NUP85: variants seen among roughly 807,000 people sequenced by gnomAD.
The protein encoded by NUP85 is nucleoporin 85, also known as nuclear pore complex protein Nup85.
In NUP85, 23 loss-of-function variants were observed where a neutral mutation model predicts 92.8. The ratio of observed to expected loss-of-function variants is 0.25; its 90% CI spans 0.18 to 0.35. The LOEUF is 0.35. Ranked by LOEUF, NUP85 falls within the 10% of genes least tolerant of loss-of-function variation. NUP85 has a pLI of 1.00. For missense variants in NUP85, 759 were observed against 822.8 expected, an observed-to-expected ratio of 0.92 and a Z score of 0.95; for synonymous variants, 314 against 306.9, an observed-to-expected ratio of 1.02 and a Z score of -0.24.
rs1402535202 is a variant in NUP85, at chr17:75,231,370, C to G, written c.1125C>G (p.Ala375=). 1 of 1,614,144 alleles carries G rather than the reference C, an allele frequency of 6.2e-7. No homozygotes were observed. Among genetic ancestry groups the G allele is most frequent in the South Asian group, 1.1e-5 (1 of 91,078 alleles). The change falls in exon 12 of 19, where the codon GCC becomes GCG. Residue 375 remains alanine, a synonymous_variant. Transcript: ENST00000245544. This position sits in a 1 kb window ranked among gnomAD's most constrained non-coding sequence, Gnocchi z 4.6. The part of the protein sequence containing the change: ...SIALSNWWFV[A]HLTDLLDHCK... ...CCCTGAGCAACTGGTGGTTTGTGGCCCACCTGACAGACCTGCTGGACCACT... is the reference window on the plus strand; with the variant it reads ...CCCTGAGCAACTGGTGGTTTGTGGCGCACCTGACAGACCTGCTGGACCACT...
At chr17:75,206,130 C>T (rs2075072617) in intron 1 of NUP85, among the ~76,000 whole-genome samples, 2 of 152,150 alleles carry the variant, frequency 1.3e-5, no homozygotes, top group Admixed American at 6.6e-5. Flanking sequence ...TATTTTTATT[C>T]CAGCCGTATT....
Position 75,235,525 on chromosome 17 carries a change from G to A in NUP85, c.1870-53G>A, listed in dbSNP as rs572998212. 119 of 1,339,328 alleles carry A rather than the reference G, an allele frequency of 8.9e-5. 2 individuals are homozygous for A. The South Asian group carries it at 1.3e-3, about 14-fold the overall frequency. 83.0% of individuals were successfully genotyped at this position (1,339,328 alleles called of 1,614,324 possible). A position where few individuals can be genotyped will look rare whatever the true frequency, so the allele number is the denominator to read the frequency against. ...TGGATTAGCTAGACCCTTCGGGAGT[G>A]TGAAAGGGCTCCTTCCTGCTCTTAG... is the stretch of plus-strand genomic sequence containing the variant. On this transcript the variant is annotated intron_variant, in intron 18 of 18. Coordinates refer to ENST00000245544, the MANE Select transcript of NUP85 (RefSeq NM_024844.5).
chr17:75,226,045 C>T lies in NUP85; in HGVS notation c.988-6C>T. The T allele has an allele frequency of 1.2e-6, 2 of 1,614,056 alleles. No individual in the cohort carries two copies. Among genetic ancestry groups the T allele is most frequent in the Non-Finnish European group, 1.7e-6 (2 of 1,179,946 alleles). On this transcript the variant is annotated splice_region_variant and splice_polypyrimidine_tract_variant and intron_variant, in intron 10 of 18. Coordinates refer to ENST00000245544, the MANE Select transcript of NUP85 (RefSeq NM_024844.5). The stretch of plus-strand genomic sequence containing the variant: ...CAGGATTGAGTGTCTCATCACCTTT[C>T]CACAGTCCAGCCTGGACCTGTTTCT...
At chr17:75,213,151 C>T (rs1235271721) in intron 5 of NUP85, 32 bp downstream of exon 5, 1 of 1,609,176 alleles carries the variant, frequency 6.2e-7, no homozygotes, top group Non-Finnish European at 8.5e-7. Context: ...GTTTTAGCAC[C>T]ACTGTGTCCT....
intron 1 of NUP85, among the ~76,000 whole-genome samples, chr17:75,206,793 G>A (rs1049370387): frequency 2.0e-5 from 3 of 151,984 alleles, no homozygotes; most frequent in African/African-American, 7.2e-5. Flanking sequence ...CGCCTCCCGG[G>A]TTCACACCAT....
chr17:75,233,736 C>G (rs1200012583), intron 16 of NUP85, among the ~76,000 whole-genome samples: 2 of 151,878 alleles, frequency 1.3e-5, no homozygotes, highest in African/African-American at 2.4e-5. Flanking sequence ...GTAGCTGGGA[C>G]TACAGGCGCA....
At chr17:75,216,789 A>G (rs2075445973) in intron 6 of NUP85, among the ~76,000 whole-genome samples, 2 of 152,170 alleles carry the variant, frequency 1.3e-5, no homozygotes, top group Admixed American at 1.3e-4. Flanking sequence ...TCCCTTCTCC[A>G]GTGGATTTTT....
chr17:75,222,928 G>A (rs187716793), intron 7 of NUP85, among the ~76,000 whole-genome samples: 181 of 151,816 alleles, frequency 1.2e-3, no homozygotes, highest in South Asian at 6.9e-3. Context: ...CCAGCTACTC[G>A]GGAGGCTGAG....
Position 75,212,073 on chromosome 17 carries a change from TGTGCGCGTGCGCGC to T in NUP85, c.361+15_361+28del. The stretch of plus-strand genomic sequence containing the variant: ...TGCACCAGGTTGCAAGTAAGGACTG[TGTGCGCGTGCGCGC>T]GTGTGTGTGTGTGTGTGTGTGTGGG... On this transcript the variant is annotated intron_variant, in intron 4 of 18. Transcript: ENST00000245544. 6.4e-7 allele frequency: 1 copy of T among 1,564,322 alleles called. No individual in the cohort carries two copies. Among genetic ancestry groups the T allele is most frequent in the Non-Finnish European group, 8.6e-7 (1 of 1,159,032 alleles).
Position 75,223,369 on chromosome 17 carries a change from A to G in NUP85, c.598-1734A>G, listed in dbSNP as rs138607958. On this transcript the variant is annotated intron_variant, in intron 7 of 18. Coordinates refer to ENST00000245544, the MANE Select transcript of NUP85 (RefSeq NM_024844.5). ...AGACTGAACAGTGAAGACTATTTGCATTGAGTGTATATTTTATGTTATGTT... is the reference window on the plus strand; with the variant it reads ...AGACTGAACAGTGAAGACTATTTGCGTTGAGTGTATATTTTATGTTATGTT... Among the ~76,000 whole-genome samples the G allele has an allele frequency of 2.8e-3, 432 of 152,090 alleles. 3 individuals are homozygous for G. The highest frequency in any genetic ancestry group is 0.017 in the South Asian group (81 of 4,820).
In NUP85 at chr17:75,232,997, G is replaced by T. The variant is rs57026156; in HGVS notation, c.1514+29G>T. The T allele has an allele frequency of 7.4e-6, 12 of 1,612,384 alleles. No homozygotes were observed. The South Asian group carries it at 1.2e-4, about 16-fold the overall frequency. ...GGTGCCGCTAGTGTTGGCTTCCCAG[G>T]GACTGGGTGGTTGAGGTGGGCCTGA... On this transcript the variant is annotated intron_variant, in intron 15 of 18. Coordinates refer to ENST00000245544, the MANE Select transcript of NUP85 (RefSeq NM_024844.5).
chr17:75,220,816 AG>A (rs1188151528), intron 7 of NUP85, among the ~76,000 whole-genome samples: 1 of 150,532 alleles, frequency 6.6e-6, no homozygotes, highest in Non-Finnish European at 1.5e-5. Flanking sequence ...CATGTTGGTC[AG>A]GCTGGTCTTG....
At position 75,233,081 on chromosome 17, in the gene NUP85, G is replaced by C; in HGVS notation, c.1538G>C (p.Arg513Pro). 5.0e-6 allele frequency: 8 copies of C among 1,614,150 alleles called. No homozygotes were observed. Among genetic ancestry groups the C allele is most frequent in the Non-Finnish European group, 5.9e-6 (7 of 1,180,030 alleles). ...SDRFLRDYCE[R>P]GCFSDLDLID... ...AGGTTCCTCAGGGATTACTGTGAGCGAGGCTGCTTTTCTGATTTGGATCTC... is the reference window on the plus strand; with the variant it reads ...AGGTTCCTCAGGGATTACTGTGAGCCAGGCTGCTTTTCTGATTTGGATCTC... The change falls in exon 16 of 19, where the codon CGA becomes CCA. Residue 513 changes from arginine (R) to proline (P), a missense_variant. Coordinates refer to ENST00000245544, the MANE Select transcript of NUP85 (RefSeq NM_024844.5).
chr17:75,233,064 C>G lies in NUP85; in HGVS notation c.1521C>G (p.Leu507=). The G allele has an allele frequency of 6.2e-7, 1 of 1,614,150 alleles. No individual in the cohort carries two copies. The highest frequency in any genetic ancestry group is 8.5e-7 in the Non-Finnish European group (1 of 1,180,030). Residue 507 remains leucine (L), a synonymous_variant, in exon 16 of 19, where the codon CTC becomes CTG. Transcript: ENST00000245544. ...AFATLVSDRF[L]RDYCERGCFS... Reference sequence around the variant, plus strand: ...TCTGGGCCGGGCCCTGCAGGTTCCTCAGGGATTACTGTGAGCGAGGCTGCT... The same window carrying G: ...TCTGGGCCGGGCCCTGCAGGTTCCTGAGGGATTACTGTGAGCGAGGCTGCT...
At chr17:75,222,617 C>G (rs1489843496) in intron 7 of NUP85, among the ~76,000 whole-genome samples, 1 of 145,582 alleles carries the variant, frequency 6.9e-6, no homozygotes, top group Non-Finnish European at 1.5e-5. Flanking sequence ...AGGGGAAATA[C>G]AGGGTTAGGT....
Position 75,218,218 on chromosome 17 carries a change from T to G in NUP85, c.509T>G (p.Val170Gly). Residue 170 changes from valine to glycine, a missense_variant, in exon 7 of 19, where the codon GTC becomes GGC. Transcript: ENST00000245544. ...CTCCTCCTCCATCTCCTTGACTGGG[T>G]CCGGCTCCATGTGTGCGAGGTGGAC... ...GPLLLHLLDW[V>G]RLHVCEVDSL... 5.6e-6 allele frequency: 9 copies of G among 1,613,980 alleles called. No individual in the cohort carries two copies. The highest frequency in any genetic ancestry group is 7.6e-6 in the Non-Finnish European group (9 of 1,179,944).
intron 7 of NUP85, among the ~76,000 whole-genome samples, chr17:75,219,176 C>G (rs985981204): frequency 2.7e-5 from 4 of 149,148 alleles, no homozygotes; most frequent in Non-Finnish European, 4.5e-5. Context: ...ATTGTGAGGA[C>G]AAAAAAAAAG....
intron 4 of NUP85, 39 bp downstream of exon 4, chr17:75,212,101 T>C (rs376412156): frequency 1.4e-6 from 2 of 1,426,704 alleles, no homozygotes; most frequent in African/African-American, 1.6e-5. Flanking sequence ...TGTGTGTGTG[T>C]GTGTGTGTGG....
chr17:75,220,290 A>C (rs570394285), intron 7 of NUP85, among the ~76,000 whole-genome samples: 19 of 151,440 alleles, frequency 1.3e-4, no homozygotes, highest in African/African-American at 4.1e-4. Flanking sequence ...ATGCCCAGCT[A>C]ATTTTTGTAT....
Sources: allele counts gnomAD v4.1 joint callset (sites outside exome capture counted in the v4.1 genomes callset), GRCh38; gene constraint gnomAD v4.1.1; non-coding constraint Gnocchi (gnomAD v3.1); transcripts MANE v1.5; gene names NCBI Gene and HGNC (gene_info 2026-07-23, HGNC 2026-07-21).